CWF19L1: variants seen among roughly 807,000 people sequenced by gnomAD.
CWF19L1 encodes the protein CWF19-like protein 1.
CWF19L1 carries 60 observed loss-of-function variants against 69.7 expected under a neutral mutation model. The observed-to-expected ratio is 0.86, with a 90% CI of 0.70 to 1.07. CWF19L1 has a LOEUF of 1.07. Ranked by LOEUF, CWF19L1 falls within the 50% of genes least tolerant of loss-of-function variation. CWF19L1 has a pLI of 0.00. For synonymous variants in CWF19L1, 209 were observed against 222.2 expected, an observed-to-expected ratio of 0.94 and a Z score of 0.53; for missense variants, 591 against 638.9, an observed-to-expected ratio of 0.92 and a Z score of 0.81.
intron 5 of CWF19L1, chr10:100,254,283 G>A (rs944475980): frequency 3.3e-5 from 5 of 152,094 alleles, no homozygotes; most frequent in African/African-American, 1.2e-4. Context: ...CAGAATATCT[G>A]GTATAGAGTA....
At chr10:100,266,260 A>G (rs1847578869) in intron 1 of CWF19L1, among the ~76,000 whole-genome samples, 1 of 149,990 alleles carries the variant, frequency 6.7e-6, no homozygotes, top group Non-Finnish European at 1.5e-5. Context: ...GCACGATCAC[A>G]GCTCACTGCA....
intron 7 of CWF19L1, among the ~76,000 whole-genome samples, chr10:100,249,405 AGTTTTGGCCC>A (rs1362814564): frequency 3.3e-5 from 5 of 152,242 alleles, no homozygotes; most frequent in Non-Finnish European, 7.4e-5. Flanking sequence ...ACAATAGGTT[AGTTTTGGCCC>A]TGGGAAATCA....
intron 7 of CWF19L1, chr10:100,248,726 A>G (rs7082753): frequency 0.11 from 124,834 of 1,156,312 alleles, 12,991 homozygotes; most frequent in African/African-American, 0.5. Context: ...CTTACAGAGC[A>G]AGCAGCCACC....
Position 100,245,800 on chromosome 10 carries a change from A to G in CWF19L1, c.963T>C (p.Pro321=). Residue 321 remains proline (P), a splice_region_variant and synonymous_variant, in exon 9 of 14, where the codon CCT becomes CCC. Coordinates refer to ENST00000354105, the MANE Select transcript of CWF19L1 (RefSeq NM_018294.6). The part of the protein sequence containing the change: ...SSPHPKQPRK[P]PQPPGPCWFC... ...AACCTCTGGAATAAAGGTACTTACG[A>G]GGTTTGCGAGGCTGCTTTGGATGAG... is the stretch of plus-strand genomic sequence containing the variant. 5.0e-6 allele frequency: 8 copies of G among 1,611,088 alleles called. No homozygotes were observed. The highest frequency in any genetic ancestry group is 6.8e-6 in the Non-Finnish European group (8 of 1,177,294).
At chr10:100,267,521 C>T in intron 1 of CWF19L1, 50 bp downstream of exon 1, 1 of 1,614,062 alleles carries the variant, frequency 6.2e-7, no homozygotes, top group East Asian at 2.2e-5. Flanking sequence ...TCGTCACCTA[C>T]ACACACGAAA....
At chr10:100,252,697 G>A (rs1306588087) in intron 6 of CWF19L1, among the ~76,000 whole-genome samples, 2 of 151,462 alleles carry the variant, frequency 1.3e-5, no homozygotes, top group Admixed American at 6.6e-5. Context: ...TTAGCCGGAC[G>A]TGGTGGCACG....
intron 11 of CWF19L1, 44 bp downstream of exon 11, chr10:100,237,978 G>A: frequency 4.5e-6 from 7 of 1,553,978 alleles, no homozygotes; most frequent in Middle Eastern, 1.7e-4. Flanking sequence ...CAATATCAAA[G>A]TCCCCATAGC....
intron 7 of CWF19L1, chr10:100,248,373 A>C (rs1846901188): frequency 1.2e-6 from 1 of 826,900 alleles, no homozygotes; most frequent in Middle Eastern, 2.4e-4. Flanking sequence ...AAGAGCTGTC[A>C]TCTTTGACCG....
chr10:100,265,990 G>A (rs1046113968), intron 1 of CWF19L1, among the ~76,000 whole-genome samples: 1 of 151,988 alleles, frequency 6.6e-6, no homozygotes, highest in African/African-American at 2.4e-5. Flanking sequence ...AAAGATGTTC[G>A]CACAATGACG....
chr10:100,258,925 G>A (rs990461237), intron 4 of CWF19L1, among the ~76,000 whole-genome samples: 14 of 147,068 alleles, frequency 9.5e-5, no homozygotes, highest in East Asian at 2.0e-4. Context: ...AAAAAAAGCC[G>A]AGCACAGTGG....
At chr10:100,238,407 G>C (rs1411294169) in intron 10 of CWF19L1, among the ~76,000 whole-genome samples, 176 bp from the exon 11 acceptor site, 2 of 152,192 alleles carry the variant, frequency 1.3e-5, no homozygotes, top group Non-Finnish European at 2.9e-5. Context: ...ATGTTCTCAG[G>C]TATCCGCTGA....
At position 100,232,927 on chromosome 10, in the gene CWF19L1, T is replaced by C. The variant is rs1219348470; in HGVS notation, c.*300A>G. 1.1e-5 allele frequency: 2 copies of C among 184,642 alleles called. No individual in the cohort carries two copies. The highest frequency in any genetic ancestry group is 2.5e-4 in the East Asian group (2 of 7,960). The allele number at this position is 184,642 out of a possible 1,614,324, so 11.4% of individuals were successfully genotyped here. On this transcript the variant is annotated 3_prime_UTR_variant, in exon 14 of 14. Transcript: ENST00000354105. ...TAAGAAGCCAAGGCAGAGGATCCCT[T>C]GAGCCTAGGCATTACAGACCAGCCT...
chr10:100,262,291 C>T, intron 1 of CWF19L1: 1 of 985,446 alleles, frequency 1.0e-6, no homozygotes, highest in Non-Finnish European at 1.2e-6. Context: ...ACAATTGAGC[C>T]AGCTTCTTCT....
At chr10:100,264,662 G>A (rs1847514179) in intron 1 of CWF19L1, among the ~76,000 whole-genome samples, 1 of 151,580 alleles carries the variant, frequency 6.6e-6, no homozygotes, top group South Asian at 2.1e-4. Context: ...GGTCCTTCAG[G>A]AAGTATTCCA....
At chr10:100,255,884 C>T (rs576309726) in intron 5 of CWF19L1, among the ~76,000 whole-genome samples, 4 of 151,530 alleles carry the variant, frequency 2.6e-5, no homozygotes, top group South Asian at 4.2e-4. Flanking sequence ...GAGCCAAGAT[C>T]GCACCACTGC....
intron 6 of CWF19L1, 36 bp downstream of exon 6, chr10:100,253,385 T>A (rs1305731069): frequency 8.0e-7 from 1 of 1,256,072 alleles, no homozygotes; most frequent in Non-Finnish European, 1.2e-6. Flanking sequence ...CATGGCAAAT[T>A]CTTCAAAAAG....
intron 5 of CWF19L1, chr10:100,254,648 T>G (rs1245992692): frequency 6.6e-6 from 1 of 152,132 alleles, no homozygotes; most frequent in African/African-American, 2.4e-5. Context: ...TAGGGACTGG[T>G]GAACTATACT....
chr10:100,235,153 G>T (rs1437868956), intron 13 of CWF19L1, among the ~76,000 whole-genome samples: 1 of 152,182 alleles, frequency 6.6e-6, no homozygotes, highest in Non-Finnish European at 1.5e-5. Flanking sequence ...GCAGATATTT[G>T]AGCATTTCCA....
At chr10:100,240,095 C>T (rs776943330) in intron 10 of CWF19L1, among the ~76,000 whole-genome samples, 1 of 152,168 alleles carries the variant, frequency 6.6e-6, no homozygotes, top group Non-Finnish European at 1.5e-5. Context: ...TAGTTTCACG[C>T]TTGCCTAATC....
Sources: gnomAD v4.1 joint callset for allele counts (sites outside exome capture counted in the v4.1 genomes callset) on GRCh38, gnomAD v4.1.1 for gene constraint, MANE v1.5 for transcripts, NCBI Gene and HGNC (gene_info 2026-07-23, HGNC 2026-07-21) for gene names.